The following DDHD1 variants were observed in gnomAD, a reference collection of about 807,000 sequenced individuals.
DDHD1 encodes DDHD domain containing 1, also known as phospholipase DDHD1.
In DDHD1, 49 loss-of-function variants were observed where a neutral mutation model predicts 96.4. That is an observed-to-expected ratio of 0.51 (90% CI 0.40 to 0.64). DDHD1 has a LOEUF of 0.64. DDHD1 is among the 30% of genes least tolerant of loss of function. The pLI, the probability that DDHD1 is intolerant of heterozygous loss-of-function variation, is 0.00. For missense variants in DDHD1, 1,106 were observed against 1,161.2 expected (o/e 0.95, Z 0.69); for synonymous variants, 442 against 446.5 (o/e 0.99, Z 0.13).
chr14:53,142,917 G>A (rs1465733764), intron 1 of DDHD1, among the ~76,000 whole-genome samples: 1 of 152,210 alleles, frequency 6.6e-6, no homozygotes, highest in Non-Finnish European at 1.5e-5. Flanking sequence ...TGAGGAAACA[G>A]ACTACAAATT....
intron 1 of DDHD1, among the ~76,000 whole-genome samples, chr14:53,151,050 T>C (rs1891313313): frequency 6.6e-6 from 1 of 152,266 alleles, no homozygotes; most frequent in South Asian, 2.1e-4. Flanking sequence ...TAGTAAGTCA[T>C]GCTTAACATA....
At chr14:53,141,782 T>C (rs1890656104) in intron 1 of DDHD1, among the ~76,000 whole-genome samples, 1 of 152,182 alleles carries the variant, frequency 6.6e-6, no homozygotes, top group South Asian at 2.1e-4. Context: ...GATTAAGTAG[T>C]TTTAAGACGA....
At chr14:53,136,479 G>A (rs1282212129) in intron 1 of DDHD1, among the ~76,000 whole-genome samples, 2 of 152,160 alleles carry the variant, frequency 1.3e-5, no homozygotes, top group Non-Finnish European at 2.9e-5. Context: ...GGGCATTTTG[G>A]CACTGTAGAA....
intron 1 of DDHD1, among the ~76,000 whole-genome samples, chr14:53,117,275 C>G (rs111954002): frequency 0.031 from 4,696 of 152,194 alleles, 238 homozygotes; most frequent in African/African-American, 0.1. Flanking sequence ...GTACCTGGTT[C>G]ATCTCATTGG....
chr14:53,104,953 T>C (rs1440766932), intron 1 of DDHD1, among the ~76,000 whole-genome samples: 1 of 152,034 alleles, frequency 6.6e-6, no homozygotes, highest in African/African-American at 2.4e-5. Flanking sequence ...GCAAACATCT[T>C]AAACCTTTTG....
chr14:53,124,405 A>G (rs1889278008), intron 1 of DDHD1, among the ~76,000 whole-genome samples: 1 of 152,168 alleles, frequency 6.6e-6, no homozygotes, highest in South Asian at 2.1e-4. Flanking sequence ...AGAATAATGC[A>G]GGACAAAAGT....
At chr14:53,086,902 T>C (rs547476140) in intron 4 of DDHD1, among the ~76,000 whole-genome samples, 3 of 138,110 alleles carry the variant, frequency 2.2e-5, no homozygotes, top group African/African-American at 8.3e-5. Context: ...AGGAGACCCA[T>C]CTCACATGCA....
At chr14:53,112,343 G>A (rs931151411) in intron 1 of DDHD1, among the ~76,000 whole-genome samples, 5 of 151,718 alleles carry the variant, frequency 3.3e-5, no homozygotes, top group African/African-American at 1.2e-4. Context: ...CTTGAACCCA[G>A]AAGGCAGAGG....
chr14:53,049,919 T>G (rs1051288043), intron 12 of DDHD1, among the ~76,000 whole-genome samples: 2 of 152,208 alleles, frequency 1.3e-5, no homozygotes, highest in African/African-American at 4.8e-5. Context: ...AAGTAGAGTA[T>G]CTGCTACATT....
intron 1 of DDHD1, among the ~76,000 whole-genome samples, chr14:53,116,867 C>G (rs997478048): frequency 6.6e-6 from 1 of 151,878 alleles, no homozygotes; most frequent in Non-Finnish European, 1.5e-5. Context: ...AGAAATAGAG[C>G]AGAACTAAAG....
chr14:53,091,966 T>G, intron 3 of DDHD1, 34 bp from the exon 4 acceptor site: 1 of 1,567,732 alleles, frequency 6.4e-7, no homozygotes, highest in Non-Finnish European at 8.7e-7. Flanking sequence ...GTTTACTATT[T>G]AATCTGAGAA....
At chr14:53,133,289 C>A (rs554068000) in intron 1 of DDHD1, among the ~76,000 whole-genome samples, 1 of 152,188 alleles carries the variant, frequency 6.6e-6, no homozygotes, top group African/African-American at 2.4e-5. Flanking sequence ...ACCTCTTGGT[C>A]TGGGTAAACA....
intron 1 of DDHD1, among the ~76,000 whole-genome samples, chr14:53,147,316 T>C (rs1049380492): frequency 3.3e-5 from 5 of 152,166 alleles, no homozygotes; most frequent in African/African-American, 1.2e-4. Flanking sequence ...GAGAGAAGCA[T>C]ACTCAAGGTC....
At chr14:53,147,838 T>C (rs184182521) in intron 1 of DDHD1, among the ~76,000 whole-genome samples, 10 of 152,272 alleles carry the variant, frequency 6.6e-5, no homozygotes, top group Admixed American at 3.9e-4. Flanking sequence ...TCCTGCTTTA[T>C]TGGAGACAGA....
At chr14:53,059,754 C>T (rs1883380712) in intron 8 of DDHD1, among the ~76,000 whole-genome samples, 1 of 147,898 alleles carries the variant, frequency 6.8e-6, no homozygotes, top group South Asian at 2.1e-4. Context: ...ATCCCAGCTA[C>T]TCGGGAGGCT....
chr14:53,075,280 A>G (rs1274917458), intron 4 of DDHD1, among the ~76,000 whole-genome samples: 1 of 152,192 alleles, frequency 6.6e-6, no homozygotes, highest in Non-Finnish European at 1.5e-5. Flanking sequence ...TTCTTGAAGG[A>G]GATTAAAAGT....
Position 53,044,678 on chromosome 14 carries a change from T to TA in DDHD1, c.*2089dup, listed in dbSNP as rs1186000875. The TA allele has an allele frequency of 1.3e-5, 2 of 152,232 alleles. No homozygotes were observed. Among genetic ancestry groups the TA allele is most frequent in the Admixed American group, 6.5e-5 (1 of 15,280 alleles). The allele number at this position is 152,232 out of a possible 1,614,324, so 9.4% of individuals were successfully genotyped here. ...CTAAGATTTCATCAAAAGCCTTTTATAGCAAGGGTTTCTTAGTGAGTCACA... is the reference window on the plus strand; with the variant it reads ...CTAAGATTTCATCAAAAGCCTTTTATAAGCAAGGGTTTCTTAGTGAGTCACA... On this transcript the variant is annotated 3_prime_UTR_variant, in exon 13 of 13. Transcript: ENST00000673822.
chr14:53,071,720 C>T (rs936187316), intron 6 of DDHD1, among the ~76,000 whole-genome samples: 1 of 152,110 alleles, frequency 6.6e-6, no homozygotes, highest in Non-Finnish European at 1.5e-5. Flanking sequence ...TAACAGTCTG[C>T]AGTAAAGTGG....
chr14:53,096,018 C>T (rs938414251), intron 2 of DDHD1: 1 of 520,706 alleles, frequency 1.9e-6, no homozygotes, highest in Non-Finnish European at 2.5e-6. Context: ...ACAATGGACA[C>T]ATTTAAAAAA....
Sources: allele counts gnomAD v4.1 joint callset (sites outside exome capture counted in the v4.1 genomes callset), GRCh38; gene constraint gnomAD v4.1.1; transcripts MANE v1.5; gene names NCBI Gene and HGNC (gene_info 2026-07-23, HGNC 2026-07-21).